Variants in HEG1 observed in about 807,000 individuals in gnomAD.
The protein encoded by HEG1 is protein HEG homolog 1.
HEG1 carries 56 observed loss-of-function variants against 125.6 expected under a neutral mutation model. The observed-to-expected ratio is 0.45, with a 90% CI of 0.36 to 0.56. HEG1 has a LOEUF of 0.56. HEG1 is among the 20% of genes least tolerant of loss of function. The pLI is 0.00. For missense variants in HEG1, 1,523 were observed against 1,670.0 expected, an observed-to-expected ratio of 0.91 and a Z score of 1.53; for synonymous variants, 644 against 668.5, an observed-to-expected ratio of 0.96 and a Z score of 0.57.
intron 14 of HEG1, among the ~76,000 whole-genome samples, chr3:124,986,385 A>G (rs1213455210): frequency 6.6e-6 from 1 of 152,176 alleles, no homozygotes; most frequent in East Asian, 1.9e-4. Flanking sequence ...GTGGGCAGTC[A>G]GAGCCCTGCT....
chr3:125,033,188 T>C (rs1378666317), intron 1 of HEG1, among the ~76,000 whole-genome samples: 2 of 152,224 alleles, frequency 1.3e-5, no homozygotes, highest in Non-Finnish European at 2.9e-5. Flanking sequence ...ACTGCTGAGC[T>C]GGCAAGTAAG....
At chr3:125,030,152 G>A (rs771111442) in intron 1 of HEG1, among the ~76,000 whole-genome samples, 15 of 152,104 alleles carry the variant, frequency 9.9e-5, no homozygotes, top group Non-Finnish European at 1.6e-4. Flanking sequence ...TCTCATATTC[G>A]CCAAAGTTGC....
At position 124,968,228 on chromosome 3, in the gene HEG1, C is replaced by G. The variant is rs1255114096; in HGVS notation, c.*2424G>C. 1 of 152,370 alleles carries G rather than the reference C, an allele frequency of 6.6e-6. No homozygotes were observed. Among genetic ancestry groups the G allele is most frequent in the South Asian group, 2.1e-4 (1 of 4,828 alleles). 9.4% of individuals were successfully genotyped at this position (152,370 alleles called of 1,614,324 possible). A position where few individuals can be genotyped will look rare whatever the true frequency, so the allele number is the denominator to read the frequency against. On this transcript the variant is annotated 3_prime_UTR_variant, in exon 17 of 17. Coordinates refer to ENST00000311127, the MANE Select transcript of HEG1 (RefSeq NM_020733.2). ...TGTTTCCCCTCGGCCTAGGCGGGACCCTTCTGCAGCTAGGAACCCCGTGCA... is the reference window on the plus strand; with the variant it reads ...TGTTTCCCCTCGGCCTAGGCGGGACGCTTCTGCAGCTAGGAACCCCGTGCA...
chr3:125,006,287 A>C (rs1308990517), intron 8 of HEG1, among the ~76,000 whole-genome samples: 1 of 152,200 alleles, frequency 6.6e-6, no homozygotes, highest in African/African-American at 2.4e-5. Context: ...TCACTCATAA[A>C]ATAAAATTCC....
chr3:124,979,625 G>C (rs766924204), intron 14 of HEG1, among the ~76,000 whole-genome samples: 2 of 152,126 alleles, frequency 1.3e-5, no homozygotes, highest in Non-Finnish European at 1.5e-5. Context: ...GTAGGATCCA[G>C]GATGAAACAC....
At chr3:124,989,438 C>G (rs1411851278) in intron 14 of HEG1, among the ~76,000 whole-genome samples, 2 of 152,170 alleles carry the variant, frequency 1.3e-5, no homozygotes, top group African/African-American at 4.8e-5. Flanking sequence ...GGATGAGAGC[C>G]AAAGCTGTCC....
intron 1 of HEG1, among the ~76,000 whole-genome samples, chr3:125,053,061 G>A (rs1937848984): frequency 6.6e-6 from 1 of 152,188 alleles, no homozygotes; most frequent in Non-Finnish European, 1.5e-5. Flanking sequence ...AATGGAGCAC[G>A]TTACTTGTAA....
intron 5 of HEG1, among the ~76,000 whole-genome samples, chr3:125,018,184 C>T (rs1429543992): frequency 2.0e-5 from 3 of 152,176 alleles, no homozygotes; most frequent in Admixed American, 6.5e-5. Flanking sequence ...ATCCCTGCTA[C>T]GGCATATTAT....
intron 3 of HEG1, 92 bp downstream of exon 3, chr3:125,027,113 C>T (rs1013260600): frequency 5.8e-6 from 7 of 1,206,702 alleles, no homozygotes; most frequent in Non-Finnish European, 7.9e-6. Flanking sequence ...CCCTTACCCA[C>T]TATTATGAGT....
At chr3:125,035,386 AGACT>A (rs1439671323) in intron 1 of HEG1, among the ~76,000 whole-genome samples, 1 of 152,236 alleles carries the variant, frequency 6.6e-6, no homozygotes, top group Non-Finnish European at 1.5e-5. Context: ...CAAAAACCAC[AGACT>A]AAGAGTAGGT....
At position 125,013,418 on chromosome 3, in the gene HEG1, C is replaced by G. The variant is rs1459445496; in HGVS notation, c.2161G>C (p.Val721Leu). 6.2e-7 allele frequency: 1 copy of G among 1,613,846 alleles called. No homozygotes were observed. Among genetic ancestry groups the G allele is most frequent in the East Asian group, 2.2e-5 (1 of 44,882 alleles). Residue 721 changes from valine (V) to leucine (L), a missense_variant, in exon 6 of 17, where the codon GTA (valine) becomes CTA (leucine). Coordinates refer to ENST00000311127, the MANE Select transcript of HEG1 (RefSeq NM_020733.2). ...GCAGATGTAGATGTCGTTAAGGATA[C>G]TGGTAAAGGTGATGGTGAGGAAGAC... Reference protein sequence around the residue: ...PWSSSPSPLPVSLTTSTSAPL... With the variant: ...PWSSSPSPLPLSLTTSTSAPL...
chr3:124,978,826 T>TAAATAAATAAAC (rs1936597065), intron 14 of HEG1, among the ~76,000 whole-genome samples: 1 of 150,706 alleles, frequency 6.6e-6, no homozygotes, highest in Non-Finnish European at 1.5e-5. Context: ...AATAAATAAA[T>TAAATAAATAAAC]AAATAAATAA....
intron 1 of HEG1, among the ~76,000 whole-genome samples, chr3:125,050,715 C>T (rs1482569553): frequency 6.6e-6 from 1 of 152,222 alleles, no homozygotes. Flanking sequence ...GGGGGCATCA[C>T]AGACAGGCAC....
chr3:125,038,174 A>T (rs1234544209), intron 1 of HEG1, among the ~76,000 whole-genome samples: 3 of 152,208 alleles, frequency 2.0e-5, no homozygotes, highest in Non-Finnish European at 4.4e-5. Context: ...CCAGGCTCCC[A>T]AGCCCTCTTG....
chr3:124,993,829 T>C (rs565928539), intron 12 of HEG1, among the ~76,000 whole-genome samples: 18 of 152,096 alleles, frequency 1.2e-4, no homozygotes, highest in African/African-American at 4.3e-4. Context: ...AGCTGATGGG[T>C]TGGGCTGTTT....
At chr3:124,984,777 A>AAAAAAACAACC in intron 14 of HEG1, among the ~76,000 whole-genome samples, 1 of 151,794 alleles carries the variant, frequency 6.6e-6, no homozygotes, top group East Asian at 2.0e-4. Flanking sequence ...ACCAAAAAAC[A>AAAAAAACAACC]AAAAAACAAC....
At chr3:124,983,879 A>G (rs1936695313) in intron 14 of HEG1, among the ~76,000 whole-genome samples, 1 of 152,158 alleles carries the variant, frequency 6.6e-6, no homozygotes, top group Non-Finnish European at 1.5e-5. Context: ...TGGGTACAGA[A>G]CAACAGTTCC....
chr3:125,015,259 AT>A (rs1305234956), intron 5 of HEG1, among the ~76,000 whole-genome samples: 1 of 152,224 alleles, frequency 6.6e-6, no homozygotes, highest in African/African-American at 2.4e-5. Context: ...AGCAAATAGG[AT>A]CGATACTAGA....
At chr3:124,992,674 G>A (rs1936853663) in intron 12 of HEG1, among the ~76,000 whole-genome samples, 1 of 152,238 alleles carries the variant, frequency 6.6e-6, no homozygotes, top group Non-Finnish European at 1.5e-5. Context: ...TCATGACGAT[G>A]TGTTGAATCT....
Sources: gnomAD v4.1 joint callset for allele counts (sites outside exome capture counted in the v4.1 genomes callset) on GRCh38, gnomAD v4.1.1 for gene constraint, MANE v1.5 for transcripts, NCBI Gene and HGNC (gene_info 2026-07-23, HGNC 2026-07-21) for gene names.